The following FBXL17 variants were observed in gnomAD, a reference collection of about 807,000 sequenced individuals.
FBXL17 encodes the protein F-box and leucine rich repeat protein 17.
A neutral mutation model predicts 66.2 loss-of-function variants in FBXL17; 22 were observed. The observed-to-expected ratio is 0.33, with a 90% CI of 0.24 to 0.47. The LOEUF (loss-of-function observed/expected upper bound fraction) is 0.47, where lower values mean the gene tolerates loss of function less well. Among genes scored for constraint, FBXL17 ranks in the 20% least tolerant of loss-of-function variants. The pLI, the probability that FBXL17 is intolerant of heterozygous loss-of-function variation, is 1.00. For missense variants in FBXL17, 878 were observed against 948.2 expected, an observed-to-expected ratio of 0.93 and a Z score of 0.97; for synonymous variants, 474 against 400.5, an observed-to-expected ratio of 1.18 and a Z score of -2.19.
At chr5:107,985,192 A>T (rs971323287) in intron 7 of FBXL17, among the ~76,000 whole-genome samples, 1 of 152,206 alleles carries the variant, frequency 6.6e-6, no homozygotes, top group African/African-American at 2.4e-5. Context: ...TTTACCACAA[A>T]CTGCTGTGAC....
At chr5:107,891,527 G>A (rs751573401) in intron 7 of FBXL17, among the ~76,000 whole-genome samples, 2 of 152,084 alleles carry the variant, frequency 1.3e-5, no homozygotes, top group African/African-American at 2.4e-5. Flanking sequence ...ATTGGCCTAG[G>A]GCTGCATAAT....
At chr5:108,187,913 C>A (rs1393899146) in intron 5 of FBXL17, among the ~76,000 whole-genome samples, 2 of 152,190 alleles carry the variant, frequency 1.3e-5, no homozygotes, top group African/African-American at 2.4e-5. Flanking sequence ...AGACTAGACA[C>A]TTGAATCTCC....
At chr5:107,933,850 G>A (rs190523144) in intron 7 of FBXL17, among the ~76,000 whole-genome samples, 110 of 152,164 alleles carry the variant, frequency 7.2e-4, no homozygotes, top group African/African-American at 2.3e-3. Context: ...CAAAAACATA[G>A]ATAGGGATTG....
chr5:108,253,235 G>C (rs920423018), intron 4 of FBXL17, among the ~76,000 whole-genome samples: 1 of 152,020 alleles, frequency 6.6e-6, no homozygotes, highest in African/African-American at 2.4e-5. Context: ...CTTTATTCTA[G>C]GGAAAAAAGG....
chr5:107,924,033 C>T (rs1304689821), intron 7 of FBXL17, among the ~76,000 whole-genome samples: 3 of 146,876 alleles, frequency 2.0e-5, no homozygotes, highest in African/African-American at 7.6e-5. Flanking sequence ...AGAAGTTCTG[C>T]CTAAAGAAGT....
chr5:107,931,784 T>G (rs898970055), intron 7 of FBXL17, among the ~76,000 whole-genome samples: 4 of 152,024 alleles, frequency 2.6e-5, no homozygotes, highest in Admixed American at 2.6e-4. Context: ...TATTCACATT[T>G]TATATTCATT....
rs1222524489 is a variant in FBXL17, at chr5:108,381,399, T to G, written c.293A>C (p.Gln98Pro). The change falls in exon 1 of 9, where the codon CAG becomes CCG. Residue 98 changes from glutamine (Q) to proline (P), a missense_variant. Coordinates refer to ENST00000542267, the MANE Select transcript of FBXL17 (RefSeq NM_001163315.3). Reference protein sequence around the residue: ...DGAYAAASSSQHLARRYAALA... With the variant: ...DGAYAAASSSPHLARRYAALA... ...GGCCGCGTAGCGCCGCGCCAGGTGCTGAGAGGAGGAGGCGGCAGCGTAGGC... is the reference window on the plus strand; with the variant it reads ...GGCCGCGTAGCGCCGCGCCAGGTGCGGAGAGGAGGAGGCGGCAGCGTAGGC... The G allele has an allele frequency of 7.5e-7, 1 of 1,325,878 alleles. No homozygotes were observed. The highest frequency in any genetic ancestry group is 3.1e-5 in the East Asian group (1 of 32,074). The allele number at this position is 1,325,878 out of a possible 1,614,324, so 82.1% of individuals were successfully genotyped here.
rs573178756 is a variant in FBXL17, at chr5:108,047,763, G to A, written c.1746-26762C>T. On this transcript the variant is annotated intron_variant, in intron 6 of 8. Transcript: ENST00000542267. ...CCCTGCAGGAACTCCAACAACTCCA[G>A]CCAGAGGCTCAGGGACAGAACCTAG... 2.4e-3 allele frequency among the ~76,000 whole-genome samples: 362 copies of A among 152,256 alleles called. 3 individuals are homozygous for A. The highest frequency in any genetic ancestry group is 0.013 in the South Asian group (65 of 4,828).
In FBXL17 at chr5:108,348,590, T is replaced by G. The variant is rs995676056; in HGVS notation, c.1375-60A>C. ...AATAACAAAGGCAACATATTTCAAG[T>G]GAGATTTTCATATAATTTTTTGAAA... is the stretch of plus-strand genomic sequence containing the variant. On this transcript the variant is annotated intron_variant, in intron 3 of 8. Transcript: ENST00000542267. The G allele has an allele frequency of 1.2e-5, 18 of 1,538,762 alleles. No homozygotes were observed. In the Admixed American group the frequency reaches 3.3e-4, roughly 29 times the overall value.
intron 4 of FBXL17, among the ~76,000 whole-genome samples, chr5:108,277,745 G>C (rs977406030): frequency 1.3e-5 from 2 of 152,152 alleles, no homozygotes; most frequent in Non-Finnish European, 2.9e-5. Flanking sequence ...TGCAGGTTCA[G>C]TTCCAGACCA....
intron 4 of FBXL17, among the ~76,000 whole-genome samples, chr5:108,331,508 T>C (rs1760122201): frequency 6.6e-6 from 1 of 152,216 alleles, no homozygotes; most frequent in African/African-American, 2.4e-5. Flanking sequence ...AAAATCAACA[T>C]GAATATTTAA....
At chr5:108,137,176 A>G (rs1263310190) in intron 6 of FBXL17, among the ~76,000 whole-genome samples, 1 of 152,204 alleles carries the variant, frequency 6.6e-6, no homozygotes, top group Non-Finnish European at 1.5e-5. Flanking sequence ...AAAAATCTTG[A>G]AATGTCTTTG....
intron 4 of FBXL17, among the ~76,000 whole-genome samples, chr5:108,325,205 C>A (rs1759793395): frequency 2.0e-5 from 3 of 151,884 alleles, no homozygotes; most frequent in African/African-American, 7.3e-5. Flanking sequence ...ATATATTTTA[C>A]CACAATTATT....
intron 4 of FBXL17, among the ~76,000 whole-genome samples, chr5:108,267,296 A>G (rs1757083100): frequency 6.6e-6 from 1 of 152,096 alleles, no homozygotes; most frequent in African/African-American, 2.4e-5. Flanking sequence ...ATCTAAATTT[A>G]GAAAACTCAC....
chr5:107,934,218 A>T (rs1299937149), intron 7 of FBXL17, among the ~76,000 whole-genome samples: 1 of 152,198 alleles, frequency 6.6e-6, no homozygotes, highest in African/African-American at 2.4e-5. Flanking sequence ...CTAAAAGTAA[A>T]GTTTGACCAA....
intron 6 of FBXL17, among the ~76,000 whole-genome samples, chr5:108,183,034 A>ATTTTTTTT (rs34101023): frequency 1.6e-4 from 15 of 91,512 alleles, no homozygotes; most frequent in African/African-American, 2.1e-4. Flanking sequence ...ACAGTTTTCT[A>ATTTTTTTT]TTTTTTTTTT....
At chr5:108,273,045 T>C (rs954985777) in intron 4 of FBXL17, among the ~76,000 whole-genome samples, 3 of 152,054 alleles carry the variant, frequency 2.0e-5, no homozygotes, top group African/African-American at 7.2e-5. Context: ...GGTTCCGTGA[T>C]GCCCACAAGC....
chr5:108,287,500 A>G (rs1580748790), intron 4 of FBXL17, among the ~76,000 whole-genome samples: 1 of 152,160 alleles, frequency 6.6e-6, no homozygotes, highest in Admixed American at 6.6e-5. Context: ...TACATGGTCA[A>G]CAAGTATATG....
At chr5:108,360,326 T>C (rs1428004590) in intron 3 of FBXL17, among the ~76,000 whole-genome samples, 2 of 152,126 alleles carry the variant, frequency 1.3e-5, no homozygotes, top group Non-Finnish European at 2.9e-5. Flanking sequence ...TAATGTCCCC[T>C]TGAGTGCCCC....
Sources: allele counts gnomAD v4.1 joint callset (sites outside exome capture counted in the v4.1 genomes callset), GRCh38; gene constraint gnomAD v4.1.1; transcripts MANE v1.5; gene names NCBI Gene and HGNC (gene_info 2026-07-23, HGNC 2026-07-21).